The following SUSD3 variants were observed in gnomAD, a reference collection of about 807,000 sequenced individuals.
SUSD3 encodes sushi domain containing 3.
Under a neutral mutation model 20.6 loss-of-function variants are expected in SUSD3, and 18 were observed. The observed-to-expected ratio is 0.87, with a 90% CI of 0.60 to 1.30. SUSD3 has a LOEUF of 1.30. SUSD3 is among the 50% of genes most tolerant of loss of function. The pLI, the probability that SUSD3 is intolerant of heterozygous loss-of-function variation, is 0.00. For synonymous variants in SUSD3, 137 were observed against 141.5 expected (o/e 0.97, Z 0.23); for missense variants, 306 against 346.9 (o/e 0.88, Z 0.94).
At chr9:93,076,745 T>A in intron 2 of SUSD3, among the ~76,000 whole-genome samples, 1 of 152,222 alleles carries the variant, frequency 6.6e-6, no homozygotes, top group Admixed American at 6.5e-5. Flanking sequence ...GGATTAACTA[T>A]GATGGAGCTC....
intron 2 of SUSD3, 76 bp from the exon 3 acceptor site, chr9:93,077,770 C>T: frequency 1.3e-6 from 2 of 1,563,040 alleles, no homozygotes; most frequent in Non-Finnish European, 1.7e-6. Flanking sequence ...CCGTACCACC[C>T]CTGAGACCCC....
At chr9:93,062,005 G>T (rs1448819434) in intron 1 of SUSD3, among the ~76,000 whole-genome samples, 2 of 152,262 alleles carry the variant, frequency 1.3e-5, no homozygotes, top group Admixed American at 6.5e-5. Flanking sequence ...GGATGGAGGG[G>T]CCGACCTGAG....
rs1826237917 is a variant in SUSD3 at position 93,077,976 on chromosome 9, G to A, written c.408G>A (p.Lys136=). 6.2e-7 allele frequency: 1 copy of A among 1,614,218 alleles called. No homozygotes were observed. Among genetic ancestry groups the A allele is most frequent in the East Asian group, 2.2e-5 (1 of 44,880 alleles). The part of the protein sequence containing the change: ...CCLLKCVKKS[K]RRRSNRSAQL... ...TCCTCAAGTGCGTGAAGAAGAGCAAGCGGCGGCGCTCCAACAGGTACGGTG... is the reference window on the plus strand; with the variant it reads ...TCCTCAAGTGCGTGAAGAAGAGCAAACGGCGGCGCTCCAACAGGTACGGTG... Residue 136 remains lysine (K), a synonymous_variant, in exon 3 of 5, where the codon AAG becomes AAA. Transcript: ENST00000375472.
rs189862361 is a variant in SUSD3, at chr9:93,064,346, G to A, written c.88+5516G>A. On this transcript the variant is annotated intron_variant, in intron 1 of 4. Transcript: ENST00000375472. The stretch of plus-strand genomic sequence containing the variant: ...CAGGCGTGAGCCACCGCACCCAGCC[G>A]ACTTCACCCTTTATCCCCCACGTCT... 5.3e-3 allele frequency among the ~76,000 whole-genome samples: 813 copies of A among 152,290 alleles called. 3 individuals carry two copies. Among genetic ancestry groups the A allele is most frequent in the Non-Finnish European group, 9.5e-3 (647 of 68,006 alleles).
intron 4 of SUSD3, among the ~76,000 whole-genome samples, chr9:93,083,955 A>G (rs1826529354): frequency 1.3e-5 from 2 of 149,404 alleles, no homozygotes; most frequent in Non-Finnish European, 2.9e-5. Flanking sequence ...GGCAGCCCAC[A>G]TGGAGCAGAG....
chr9:93,084,888 C>A lies in SUSD3; in HGVS notation c.*141C>A. ...GGAATCAGCTTCCAGGTGTAGGGAC[C>A]CCTTGAGGGGCCGAGCTGACATCCA... On this transcript the variant is annotated 3_prime_UTR_variant, in exon 5 of 5. Coordinates refer to ENST00000375472, the MANE Select transcript of SUSD3 (RefSeq NM_145006.4). 6.6e-6 allele frequency: 5 copies of A among 758,054 alleles called. No homozygotes were observed. Among genetic ancestry groups the A allele is most frequent in the Non-Finnish European group, 7.8e-6 (4 of 515,824 alleles). The allele number at this position is 758,054 out of a possible 1,614,324, so 47.0% of individuals were successfully genotyped here. A position where few individuals can be genotyped will look rare whatever the true frequency, so the allele number is the denominator to read the frequency against.
intron 1 of SUSD3, among the ~76,000 whole-genome samples, chr9:93,068,455 C>T (rs1825798052): frequency 6.6e-6 from 1 of 152,234 alleles, no homozygotes; most frequent in Admixed American, 6.5e-5. Flanking sequence ...GTCTTGGTAC[C>T]CTTGTTGAAA....
chr9:93,081,407 T>C (rs1826409198), intron 4 of SUSD3, among the ~76,000 whole-genome samples: 1 of 152,194 alleles, frequency 6.6e-6, no homozygotes, highest in South Asian at 2.1e-4. Context: ...ACTGTATGAC[T>C]AACAGCTCCA....
Position 93,077,881 on chromosome 9 carries a change from G to A in SUSD3, c.313G>A (p.Ala105Thr). 1 of 1,614,220 alleles carries A rather than the reference G, an allele frequency of 6.2e-7. No homozygotes were observed. Among genetic ancestry groups the A allele is most frequent in the Non-Finnish European group, 8.5e-7 (1 of 1,180,032 alleles). ...PPHETFGFKV[A>T]VIASIVSCAI... ...ACACGAGACCTTTGGCTTCAAGGTGGCCGTGATCGCCTCCATTGTGAGCTG... is the reference window on the plus strand; with the variant it reads ...ACACGAGACCTTTGGCTTCAAGGTGACCGTGATCGCCTCCATTGTGAGCTG... Residue 105 changes from alanine (A) to threonine (T), a missense_variant, in exon 3 of 5, where the codon GCC (alanine) becomes ACC (threonine). By Grantham distance (58) the Ala-to-Thr change is moderately conservative (BLOSUM62 0). Transcript: ENST00000375472.
At chr9:93,084,112 A>G (rs1826541271) in intron 4 of SUSD3, among the ~76,000 whole-genome samples, 1 of 152,078 alleles carries the variant, frequency 6.6e-6, no homozygotes, top group Non-Finnish European at 1.5e-5. Context: ...GCTACCAAAG[A>G]GGCAGGCCTG....
intron 1 of SUSD3, among the ~76,000 whole-genome samples, chr9:93,064,110 G>A (rs1046587473): frequency 1.3e-5 from 2 of 152,152 alleles, no homozygotes; most frequent in East Asian, 1.9e-4. Flanking sequence ...GTACAGTGCC[G>A]TGATCTTGGC....
In SUSD3 at chr9:93,084,622, A is replaced by G; in HGVS notation, c.643A>G (p.Ser215Gly). The change falls in exon 5 of 5, where the codon AGT becomes GGT. Residue 215 changes from serine (S) to glycine (G), a missense_variant. By Grantham distance (56) the Ser-to-Gly change is moderately conservative. Coordinates refer to ENST00000375472, the MANE Select transcript of SUSD3 (RefSeq NM_145006.4). ...DPGIPRALSL[S>G]GSSSSPQAQV... ...TGGGATCCCCAGAGCTCTAAGCCTC[A>G]GTGGCTCCTCCAGCTCACCCCAAGC... 1.2e-6 allele frequency: 2 copies of G among 1,610,406 alleles called. No individual in the cohort carries two copies. The highest frequency in any genetic ancestry group is 8.5e-7 in the Non-Finnish European group (1 of 1,178,342).
chr9:93,063,338 T>C (rs1435196155), intron 1 of SUSD3, among the ~76,000 whole-genome samples: 1 of 152,146 alleles, frequency 6.6e-6, no homozygotes, highest in South Asian at 2.1e-4. Context: ...AAGATCTCCA[T>C]AGGGCAGTCC....
chr9:93,074,245 A>C (rs1451507952), intron 1 of SUSD3, among the ~76,000 whole-genome samples: 3 of 151,922 alleles, frequency 2.0e-5, no homozygotes, highest in African/African-American at 7.3e-5. Context: ...CATGGCCAAC[A>C]TGGTGAAACC....
intron 1 of SUSD3, among the ~76,000 whole-genome samples, chr9:93,062,208 G>A (rs1825534708): frequency 2.0e-5 from 3 of 152,212 alleles, no homozygotes; most frequent in Non-Finnish European, 2.9e-5. Flanking sequence ...GCTGAGGGCC[G>A]CTCAGGCATC....
At chr9:93,080,712 C>T (rs959609877) in intron 4 of SUSD3, among the ~76,000 whole-genome samples, 1 of 152,250 alleles carries the variant, frequency 6.6e-6, no homozygotes, top group Non-Finnish European at 1.5e-5. Flanking sequence ...AAGTGTCCCT[C>T]CACTGTCTCA....
intron 4 of SUSD3, among the ~76,000 whole-genome samples, chr9:93,082,255 G>A (rs1236496101): frequency 6.7e-6 from 1 of 148,510 alleles, no homozygotes; most frequent in Admixed American, 6.7e-5. Flanking sequence ...TGCTCCATGT[G>A]TTGTGGGAGG....
intron 1 of SUSD3, among the ~76,000 whole-genome samples, chr9:93,063,825 C>G (rs4743881): frequency 0.9 from 137,731 of 152,234 alleles, 62,382 homozygotes; most frequent in Middle Eastern, 0.96. Flanking sequence ...CAGCTGGCTA[C>G]AAATGCAGGG....
At chr9:93,067,043 A>G (rs781773070) in intron 1 of SUSD3, among the ~76,000 whole-genome samples, 16 of 152,174 alleles carry the variant, frequency 1.1e-4, no homozygotes, top group Non-Finnish European at 2.2e-4. Context: ...TAATCACTGC[A>G]TAAGAAGATC....
Sources: allele counts gnomAD v4.1 joint callset (sites outside exome capture counted in the v4.1 genomes callset), GRCh38; gene constraint gnomAD v4.1.1; transcripts MANE v1.5; gene names NCBI Gene and HGNC (gene_info 2026-07-23, HGNC 2026-07-21).